HECW2: variants seen among roughly 807,000 people sequenced by gnomAD.
The protein encoded by HECW2 is HECT, C2 and WW domain containing E3 ubiquitin protein ligase 2, also known as E3 ubiquitin-protein ligase HECW2.
HECW2 carries 61 observed loss-of-function variants against 175.2 expected under a neutral mutation model. The ratio of observed to expected loss-of-function variants is 0.35; its 90% CI spans 0.28 to 0.43. HECW2 has a LOEUF of 0.43. Among genes scored for constraint, HECW2 ranks in the 20% least tolerant of loss-of-function variants. HECW2 has a pLI of 1.00. For missense variants in HECW2, 1,524 were observed against 2,000.5 expected (o/e 0.76, Z 4.54); for synonymous variants, 671 against 731.0 (o/e 0.92, Z 1.32).
At chr2:196,329,169 C>G (rs1692264361) in intron 5 of HECW2, among the ~76,000 whole-genome samples, 1 of 152,132 alleles carries the variant, frequency 6.6e-6, no homozygotes, top group Non-Finnish European at 1.5e-5. Context: ...ATCCACTTTC[C>G]AATTTGCATG....
At chr2:196,376,560 G>A (rs57650532) in intron 2 of HECW2, among the ~76,000 whole-genome samples, 3,323 of 151,132 alleles carry the variant, frequency 0.022, 123 homozygotes, top group African/African-American at 0.077. Flanking sequence ...GAACCAGGGA[G>A]GCGGCCATTG....
At chr2:196,570,761 T>G (rs1465337603) in intron 1 of HECW2, among the ~76,000 whole-genome samples, 2 of 152,154 alleles carry the variant, frequency 1.3e-5, no homozygotes, top group Admixed American at 1.3e-4. Flanking sequence ...CACATACAAA[T>G]TATTATTTCT....
intron 18 of HECW2, 196 bp downstream of exon 18, chr2:196,257,627 G>T (rs1430862798): frequency 1.7e-6 from 1 of 576,776 alleles, no homozygotes; most frequent in Non-Finnish European, 3.1e-6. Context: ...AAATTAAACA[G>T]ATCTCAGTGT....
At chr2:196,553,931 T>C (rs1283045071) in intron 1 of HECW2, among the ~76,000 whole-genome samples, 1 of 152,182 alleles carries the variant, frequency 6.6e-6, no homozygotes, top group Non-Finnish European at 1.5e-5. Flanking sequence ...TCAGTAAACT[T>C]GACATCTCAC....
chr2:196,465,807 T>C (rs187945281), intron 1 of HECW2, among the ~76,000 whole-genome samples: 64 of 152,100 alleles, frequency 4.2e-4, no homozygotes, highest in Non-Finnish European at 6.8e-4. Context: ...CCACCATTTC[T>C]TGTTTTCTAT....
intron 1 of HECW2, among the ~76,000 whole-genome samples, chr2:196,531,377 G>A (rs1688833010): frequency 6.6e-6 from 1 of 152,018 alleles, no homozygotes; most frequent in Admixed American, 6.6e-5. Flanking sequence ...AATGTTTTTG[G>A]CCAGGTGCGG....
intron 1 of HECW2, among the ~76,000 whole-genome samples, chr2:196,443,132 A>G (rs1230153423): frequency 6.6e-6 from 1 of 152,200 alleles, no homozygotes; most frequent in Admixed American, 6.5e-5. Flanking sequence ...ACAGGATCCT[A>G]TGGACCTACA....
chr2:196,561,870 C>G lies in HECW2; in HGVS notation c.-36+31638G>C, dbSNP rs1446679578. Among the ~76,000 whole-genome samples, 4 of 152,274 alleles carry G rather than the reference C, an allele frequency of 2.6e-5. No individual in the cohort carries two copies. The East Asian group carries it at 5.8e-4, about 22-fold the overall frequency. On this transcript the variant is annotated intron_variant, in intron 1 of 28. Transcript: ENST00000644978. The stretch of plus-strand genomic sequence containing the variant: ...TCACAGAGCCTGATGTCCTACCCTG[C>G]ACACCTCTAAAATAGTTTACCAAAT...
In HECW2 at chr2:196,201,000, T is replaced by C; in HGVS notation, c.*277A>G. 3.1e-6 allele frequency: 1 copy of C among 319,260 alleles called. No individual in the cohort carries two copies. The highest frequency in any genetic ancestry group is 6.1e-6 in the Non-Finnish European group (1 of 164,250). 19.8% of individuals were successfully genotyped at this position (319,260 alleles called of 1,614,324 possible). A position where few individuals can be genotyped will look rare whatever the true frequency, so the allele number is the denominator to read the frequency against. ...GAGCTGATCATGTATGGGTTCATCT[T>C]TGTCTTGGAACATAACAAATGGAAA... On this transcript the variant is annotated 3_prime_UTR_variant, in exon 29 of 29. Transcript: ENST00000644978.
intron 17 of HECW2, among the ~76,000 whole-genome samples, chr2:196,261,216 T>C (rs1689278826): frequency 6.6e-6 from 1 of 152,204 alleles, no homozygotes; most frequent in Non-Finnish European, 1.5e-5. Context: ...CAAGTGGGGT[T>C]AAGTAATGTA....
chr2:196,556,730 C>T (rs1235762247), intron 1 of HECW2, among the ~76,000 whole-genome samples: 1 of 152,080 alleles, frequency 6.6e-6, no homozygotes, highest in Non-Finnish European at 1.5e-5. Flanking sequence ...AAAACATAGA[C>T]GATGGTGTAA....
intron 28 of HECW2, among the ~76,000 whole-genome samples, chr2:196,204,336 T>TTTG (rs1559432413): frequency 6.6e-6 from 1 of 151,918 alleles, no homozygotes; most frequent in African/African-American, 2.4e-5. Flanking sequence ...ATTTCTTGTT[T>TTTG]TTTGTTTGTT....
intron 21 of HECW2, among the ~76,000 whole-genome samples, chr2:196,235,704 G>T (rs1239027674): frequency 7.9e-6 from 1 of 126,236 alleles, no homozygotes; most frequent in African/African-American, 3.1e-5. Flanking sequence ...CGCCCTGGCT[G>T]GAGTGCAGTG....
At chr2:196,576,639 G>A (rs1431026640) in intron 1 of HECW2, among the ~76,000 whole-genome samples, 5 of 152,078 alleles carry the variant, frequency 3.3e-5, no homozygotes, top group Non-Finnish European at 5.9e-5. Flanking sequence ...CTAACATACC[G>A]CATGATATCT....
intron 23 of HECW2, among the ~76,000 whole-genome samples, chr2:196,223,137 G>A (rs1687728366): frequency 6.6e-6 from 1 of 152,168 alleles, no homozygotes. Context: ...ATAGCTACTT[G>A]ATGAATAGTC....
At chr2:196,253,812 A>C in intron 19 of HECW2, 108 bp downstream of exon 19, 1 of 991,646 alleles carries the variant, frequency 1.0e-6, no homozygotes, top group Non-Finnish European at 1.6e-6. Context: ...CTAACACCAA[A>C]GATGTACCTG....
At chr2:196,362,201 G>A (rs1212376229) in intron 2 of HECW2, 31 of 985,010 alleles carry the variant, frequency 3.1e-5, no homozygotes, top group Non-Finnish European at 3.5e-5. Context: ...ACATCCCCTC[G>A]GCTGAGGCAG....
intron 3 of HECW2, among the ~76,000 whole-genome samples, chr2:196,339,595 G>A (rs2105817834): frequency 6.6e-6 from 1 of 152,296 alleles, no homozygotes; most frequent in East Asian, 1.9e-4. Flanking sequence ...GATAGATGAG[G>A]AGATAGATGG....
In HECW2 at chr2:196,257,726, T is replaced by C; in HGVS notation, c.3419+97A>G. Reference sequence around the variant, plus strand: ...ACAAGTCTAAAGAATAAGAACAATTTTTAGGCTATGAATATTGGCATATTA... The same window carrying C: ...ACAAGTCTAAAGAATAAGAACAATTCTTAGGCTATGAATATTGGCATATTA... On this transcript the variant is annotated intron_variant, in intron 18 of 28. Transcript: ENST00000644978. The C allele has an allele frequency of 9.3e-6, 8 of 860,978 alleles. No homozygotes were observed. The South Asian group carries it at 1.1e-4, about 12-fold the overall frequency. 53.3% of individuals were successfully genotyped at this position (860,978 alleles called of 1,614,324 possible). A position where few individuals can be genotyped will look rare whatever the true frequency, so the allele number is the denominator to read the frequency against.
Sources: allele counts gnomAD v4.1 joint callset (sites outside exome capture counted in the v4.1 genomes callset), GRCh38; gene constraint gnomAD v4.1.1; transcripts MANE v1.5; gene names NCBI Gene and HGNC (gene_info 2026-07-23, HGNC 2026-07-21).